Variants in LCE6A observed in about 807,000 individuals in gnomAD.
The protein encoded by LCE6A is late cornified envelope protein 6A.
For synonymous variants in LCE6A, 38 were observed against 35.2 expected (o/e 1.08, Z -0.28); for missense variants, 105 against 95.3 (o/e 1.10, Z -0.42).
rs1186344682 is a variant in LCE6A, at chr1:152,843,886, C to G, written c.*123C>G. ...TGGACTGAGAAACACTTCCTGATCC[C>G]CAGCTCTAGAGAAGCGAGAACTAGG... On this transcript the variant is annotated 3_prime_UTR_variant, in exon 2 of 2. Transcript: ENST00000431011. 9.8e-6 allele frequency: 12 copies of G among 1,224,244 alleles called. No homozygotes were observed. Among genetic ancestry groups the G allele is most frequent in the Non-Finnish European group, 2.2e-6 (2 of 898,464 alleles). The allele number at this position is 1,224,244 out of a possible 1,614,324, so 75.8% of individuals were successfully genotyped here. A position where few individuals can be genotyped will look rare whatever the true frequency, so the allele number is the denominator to read the frequency against.
chr1:152,843,627 C>G lies in LCE6A; in HGVS notation c.107C>G (p.Ala36Gly), dbSNP rs762950972. The G allele has an allele frequency of 6.4e-7, 1 of 1,551,608 alleles. No homozygotes were observed. Among genetic ancestry groups the G allele is most frequent in the Non-Finnish European group, 8.7e-7 (1 of 1,146,904 alleles). ...GCTCCCTACTCGACTCCTTGTGGTG[C>G]TCCCCATTCAGAAGGTTGTCATTCC... The part of the protein sequence containing the change: ...CLAPYSTPCG[A>G]PHSEGCHSSS... The change falls in exon 2 of 2, where the codon GCT (alanine) becomes GGT (glycine). Residue 36 changes from alanine to glycine, a missense_variant. By Grantham distance (60) the Ala-to-Gly change is moderately conservative. Coordinates refer to ENST00000431011, the MANE Select transcript of LCE6A (RefSeq NM_001128600.2).
Position 152,843,516 on chromosome 1 carries a change from A to T in LCE6A, c.-5A>T, listed in dbSNP as rs190439721. The stretch of plus-strand genomic sequence containing the variant: ...TTCTTCCAGATTCGACCTGGTAGCC[A>T]AGCAATGTCACAGCAGAAGCAGCAA... On this transcript the variant is annotated 5_prime_UTR_variant, in exon 2 of 2. Transcript: ENST00000431011. 2.6e-6 allele frequency: 4 copies of T among 1,519,574 alleles called. No individual in the cohort carries two copies. In the African/African-American group the frequency reaches 4.2e-5, roughly 16 times the overall value. 94.1% of individuals were successfully genotyped at this position (1,519,574 alleles called of 1,614,324 possible). A position where few individuals can be genotyped will look rare whatever the true frequency, so the allele number is the denominator to read the frequency against.
At chr1:152,843,259 T>G in intron 1 of LCE6A, among the ~76,000 whole-genome samples, 1 of 150,058 alleles carries the variant, frequency 6.7e-6, no homozygotes, top group African/African-American at 2.5e-5. Flanking sequence ...CTCAACTAAG[T>G]ACAATTTGTC....
At position 152,843,920 on chromosome 1, in the gene LCE6A, C is replaced by T. The variant is rs968216893; in HGVS notation, c.*157C>T. The T allele has an allele frequency of 2.6e-5, 20 of 778,484 alleles. No homozygotes were observed. The highest frequency in any genetic ancestry group is 1.6e-4 in the South Asian group (7 of 44,170). 48.2% of individuals were successfully genotyped at this position (778,484 alleles called of 1,614,324 possible). A position where few individuals can be genotyped will look rare whatever the true frequency, so the allele number is the denominator to read the frequency against. The stretch of plus-strand genomic sequence containing the variant: ...GAGAAGCGAGAACTAGGCTGAGCCA[C>T]GCTGCTACTGCTCTCTTCCATTCAC... On this transcript the variant is annotated 3_prime_UTR_variant, in exon 2 of 2. Coordinates refer to ENST00000431011, the MANE Select transcript of LCE6A (RefSeq NM_001128600.2).
rs749100214 is a variant in LCE6A, at chr1:152,843,507, C to G, written c.-14C>G. 1 of 1,512,800 alleles carries G rather than the reference C, an allele frequency of 6.6e-7. No homozygotes were observed. Among genetic ancestry groups the G allele is most frequent in the Non-Finnish European group, 8.9e-7 (1 of 1,127,490 alleles). 93.7% of individuals were successfully genotyped at this position (1,512,800 alleles called of 1,614,324 possible). On this transcript the variant is annotated 5_prime_UTR_variant, in exon 2 of 2. Coordinates refer to ENST00000431011, the MANE Select transcript of LCE6A (RefSeq NM_001128600.2). ...TAACTATTTTTCTTCCAGATTCGAC[C>G]TGGTAGCCAAGCAATGTCACAGCAG... is the stretch of plus-strand genomic sequence containing the variant.
intron 1 of LCE6A, among the ~76,000 whole-genome samples, chr1:152,843,269 CT>C (rs113699087): frequency 0.072 from 10,223 of 142,812 alleles, 820 homozygotes; most frequent in African/African-American, 0.21. Flanking sequence ...TACAATTTGT[CT>C]TTTTTTTTTT....
chr1:152,843,924 G>A lies in LCE6A; in HGVS notation c.*161G>A, dbSNP rs924208498. 9.4e-6 allele frequency: 7 copies of A among 748,448 alleles called. No individual in the cohort carries two copies. In the African/African-American group the frequency reaches 1.1e-4, roughly 11 times the overall value. The allele number at this position is 748,448 out of a possible 1,614,324, so 46.4% of individuals were successfully genotyped here. A position where few individuals can be genotyped will look rare whatever the true frequency, so the allele number is the denominator to read the frequency against. On this transcript the variant is annotated 3_prime_UTR_variant, in exon 2 of 2. Transcript: ENST00000431011. ...AGCGAGAACTAGGCTGAGCCACGCT[G>A]CTACTGCTCTCTTCCATTCACCCCT...
chr1:152,843,863 G>C lies in LCE6A; in HGVS notation c.*100G>C. 1 of 1,374,328 alleles carries C rather than the reference G, an allele frequency of 7.3e-7. No homozygotes were observed. Among genetic ancestry groups the C allele is most frequent in the African/African-American group, 1.5e-5 (1 of 68,414 alleles). 85.1% of individuals were successfully genotyped at this position (1,374,328 alleles called of 1,614,324 possible). On this transcript the variant is annotated 3_prime_UTR_variant, in exon 2 of 2. Transcript: ENST00000431011. ...AGCCAGGCCCTCAACCTCTCATTTG[G>C]ACTGAGAAACACTTCCTGATCCCCA... is the stretch of plus-strand genomic sequence containing the variant.
intron 1 of LCE6A, 82 bp downstream of exon 1, chr1:152,843,093 A>T (rs1647892207): frequency 6.5e-6 from 1 of 153,292 alleles, no homozygotes; most frequent in South Asian, 2.1e-4. Context: ...AACATGGGAG[A>T]AAGCCATAGA....
Position 152,843,727 on chromosome 1 carries a change from C to T in LCE6A, c.207C>T (p.Thr69=), listed in dbSNP as rs779710495. 6.4e-7 allele frequency: 1 copy of T among 1,551,298 alleles called. No individual in the cohort carries two copies. The highest frequency in any genetic ancestry group is 8.7e-7 in the Non-Finnish European group (1 of 1,146,734). The change falls in exon 2 of 2, where the codon ACC becomes ACT. Residue 69 remains threonine, a synonymous_variant. Coordinates refer to ENST00000431011, the MANE Select transcript of LCE6A (RefSeq NM_001128600.2). ...TGCGCTGCCTAAGTAGGGGCACAAC[C>T]TACCACTGCAAAGAGGAAGAGTGTG... is the stretch of plus-strand genomic sequence containing the variant. ...QKLRCLSRGT[T]YHCKEEECEG...
chr1:152,843,885 C>G lies in LCE6A; in HGVS notation c.*122C>G. 8.1e-7 allele frequency: 1 copy of G among 1,231,016 alleles called. No individual in the cohort carries two copies. The highest frequency in any genetic ancestry group is 1.1e-6 in the Non-Finnish European group (1 of 904,470). 76.3% of individuals were successfully genotyped at this position (1,231,016 alleles called of 1,614,324 possible). Reference sequence around the variant, plus strand: ...TTGGACTGAGAAACACTTCCTGATCCCCAGCTCTAGAGAAGCGAGAACTAG... The same window carrying G: ...TTGGACTGAGAAACACTTCCTGATCGCCAGCTCTAGAGAAGCGAGAACTAG... On this transcript the variant is annotated 3_prime_UTR_variant, in exon 2 of 2. Coordinates refer to ENST00000431011, the MANE Select transcript of LCE6A (RefSeq NM_001128600.2).
chr1:152,843,482 T>C lies in LCE6A; in HGVS notation c.-21-18T>C. ...GCCCAAGCTGCCTGGGTCCCTGATA[T>C]AACTATTTTTCTTCCAGATTCGACC... is the stretch of plus-strand genomic sequence containing the variant. On this transcript the variant is annotated intron_variant, in intron 1 of 1. Transcript: ENST00000431011. 1 of 1,481,654 alleles carries C rather than the reference T, an allele frequency of 6.7e-7. No homozygotes were observed. 91.8% of individuals were successfully genotyped at this position (1,481,654 alleles called of 1,614,324 possible).
In LCE6A at chr1:152,843,827, C is replaced by T. The variant is rs182023887; in HGVS notation, c.*64C>T. The T allele has an allele frequency of 3.4e-6, 5 of 1,470,536 alleles. No individual in the cohort carries two copies. Among genetic ancestry groups the T allele is most frequent in the Non-Finnish European group, 4.5e-6 (5 of 1,107,396 alleles). 91.1% of individuals were successfully genotyped at this position (1,470,536 alleles called of 1,614,324 possible). A position where few individuals can be genotyped will look rare whatever the true frequency, so the allele number is the denominator to read the frequency against. ...CCTGCCCCACCTTTGGGTACTAATT[C>T]CCCCTTGGAAAGCCAGGCCCTCAAC... is the stretch of plus-strand genomic sequence containing the variant. On this transcript the variant is annotated 3_prime_UTR_variant, in exon 2 of 2. Coordinates refer to ENST00000431011, the MANE Select transcript of LCE6A (RefSeq NM_001128600.2).
In LCE6A at chr1:152,843,737, A is replaced by G; in HGVS notation, c.217A>G (p.Lys73Glu). The change falls in exon 2 of 2, where the codon AAA (lysine) becomes GAA (glutamate). Residue 73 changes from lysine to glutamate, a missense_variant. Lys to Glu is a moderately conservative substitution (Grantham distance 56). Transcript: ENST00000431011. ...AAGTAGGGGCACAACCTACCACTGC[A>G]AAGAGGAAGAGTGTGAAGGCGACTG... ...CLSRGTTYHCKEEECEGD is the reference protein window; with the variant it reads ...CLSRGTTYHCEEEECEGD 6.4e-7 allele frequency: 1 copy of G among 1,551,120 alleles called. No homozygotes were observed. The highest frequency in any genetic ancestry group is 8.7e-7 in the Non-Finnish European group (1 of 1,146,644).
intron 1 of LCE6A, 143 bp from the exon 2 acceptor site, chr1:152,843,357 C>A: frequency 1.6e-6 from 1 of 622,550 alleles, no homozygotes; most frequent in East Asian, 2.9e-5. Flanking sequence ...ATATTTAGTC[C>A]TTTCAAGTCC....
Position 152,843,825 on chromosome 1 carries a change from T to C in LCE6A, c.*62T>C. The C allele has an allele frequency of 3.4e-6, 5 of 1,473,988 alleles. No individual in the cohort carries two copies. Among genetic ancestry groups the C allele is most frequent in the Admixed American group, 5.0e-5 (2 of 40,190 alleles). The allele number at this position is 1,473,988 out of a possible 1,614,324, so 91.3% of individuals were successfully genotyped here. A position where few individuals can be genotyped will look rare whatever the true frequency, so the allele number is the denominator to read the frequency against. ...TCCCTGCCCCACCTTTGGGTACTAA[T>C]TCCCCCTTGGAAAGCCAGGCCCTCA... On this transcript the variant is annotated 3_prime_UTR_variant, in exon 2 of 2. Transcript: ENST00000431011.
chr1:152,843,650 TCC>T lies in LCE6A; in HGVS notation c.131_132del (p.Ser44Ter). 6.4e-7 allele frequency: 1 copy of T among 1,551,506 alleles called. No individual in the cohort carries two copies. The highest frequency in any genetic ancestry group is 8.7e-7 in the Non-Finnish European group (1 of 1,146,876). On this transcript the variant is annotated frameshift_variant, in exon 2 of 2. Coordinates refer to ENST00000431011, the MANE Select transcript of LCE6A (RefSeq NM_001128600.2). LOFTEE classifies it low-confidence loss of function (END_TRUNC). ...TGCTCCCCATTCAGAAGGTTGTCAT[TCC>T]AGTTCCCAAAGGCCTGAGGTTCAGA... ...CGAPHSEGCH[S>X]SSQRPEVQKP... is the part of the protein sequence containing the mutation.
In LCE6A at chr1:152,843,504, G is replaced by C; in HGVS notation, c.-17G>C. 1 of 1,507,392 alleles carries C rather than the reference G, an allele frequency of 6.6e-7. No individual in the cohort carries two copies. The highest frequency in any genetic ancestry group is 8.9e-7 in the Non-Finnish European group (1 of 1,124,860). The allele number at this position is 1,507,392 out of a possible 1,614,324, so 93.4% of individuals were successfully genotyped here. ...ATATAACTATTTTTCTTCCAGATTC[G>C]ACCTGGTAGCCAAGCAATGTCACAG... On this transcript the variant is annotated 5_prime_UTR_variant, in exon 2 of 2. Transcript: ENST00000431011.
chr1:152,843,664 G>C lies in LCE6A; in HGVS notation c.144G>C (p.Arg48Ser). ...HSEGCHSSSQRPEVQKPRRAR... is the reference protein window; with the variant it reads ...HSEGCHSSSQSPEVQKPRRAR... The stretch of plus-strand genomic sequence containing the variant: ...AAGGTTGTCATTCCAGTTCCCAAAG[G>C]CCTGAGGTTCAGAAGCCTAGGAGGG... Residue 48 changes from arginine (R) to serine (S), a missense_variant, in exon 2 of 2, where the codon AGG becomes AGC. Coordinates refer to ENST00000431011, the MANE Select transcript of LCE6A (RefSeq NM_001128600.2). The C allele has an allele frequency of 6.4e-7, 1 of 1,551,460 alleles. No individual in the cohort carries two copies. The highest frequency in any genetic ancestry group is 8.7e-7 in the Non-Finnish European group (1 of 1,146,866).
Sources: gnomAD v4.1 joint callset for allele counts (sites outside exome capture counted in the v4.1 genomes callset) on GRCh38, gnomAD v4.1.1 for gene constraint, MANE v1.5 for transcripts, NCBI Gene and HGNC (gene_info 2026-07-23, HGNC 2026-07-21) for gene names.